RNF114: variants seen among roughly 807,000 people sequenced by gnomAD.
RNF114 encodes E3 ubiquitin-protein ligase RNF114.
A neutral mutation model predicts 28.4 loss-of-function variants in RNF114; 6 were observed. That is an observed-to-expected ratio of 0.21 (90% CI 0.12 to 0.42). RNF114 has a LOEUF of 0.42. Among genes scored for constraint, RNF114 ranks in the 10% least tolerant of loss-of-function variants. The pLI, the probability that RNF114 is intolerant of heterozygous loss-of-function variation, is 1.00. For missense variants in RNF114, 249 were observed against 311.7 expected, an observed-to-expected ratio of 0.80 and a Z score of 1.51; for synonymous variants, 115 against 116.7, an observed-to-expected ratio of 0.99 and a Z score of 0.09.
intron 2 of RNF114, chr20:49,942,077 A>G (rs2090310146): frequency 1.0e-5 from 2 of 200,118 alleles, no homozygotes; most frequent in African/African-American, 2.4e-5. Context: ...CCTGGACAAC[A>G]TAGTGAGACC....
In RNF114 at chr20:49,952,328, G is replaced by A. The variant is rs2090358231; in HGVS notation, c.*187G>A. On this transcript the variant is annotated 3_prime_UTR_variant, in exon 6 of 6. Transcript: ENST00000244061. The stretch of plus-strand genomic sequence containing the variant: ...GCCCTTCTCTTCCCTTTGGGCTCTT[G>A]CCAAAGCTGTCTTCCCCTACTGTTA... 3 of 593,310 alleles carry A rather than the reference G, an allele frequency of 5.1e-6. No individual in the cohort carries two copies. Among genetic ancestry groups the A allele is most frequent in the Non-Finnish European group, 9.2e-6 (3 of 325,550 alleles). The allele number at this position is 593,310 out of a possible 1,614,324, so 36.8% of individuals were successfully genotyped here.
At chr20:49,946,009 G>C (rs551574646) in intron 3 of RNF114, 127 bp from the exon 4 acceptor site, 1 of 562,506 alleles carries the variant, frequency 1.8e-6, no homozygotes, top group East Asian at 3.0e-5. Context: ...AGTCTGAAGT[G>C]ATCATCAGCA....
chr20:49,952,143 C>CTTGCT lies in RNF114; in HGVS notation c.*2_*3insTTGCT. ...CAGCGCTCCATCATCGACCAGTGAGCAGAGTCCGTGCTTGCTATCTGTCTC... is the reference window on the plus strand; with the variant it reads ...CAGCGCTCCATCATCGACCAGTGAGCTTGCTAGAGTCCGTGCTTGCTATCTGTCTC... On this transcript the variant is annotated 3_prime_UTR_variant, in exon 6 of 6. Transcript: ENST00000244061. 6.2e-7 allele frequency: 1 copy of CTTGCT among 1,612,756 alleles called. No individual in the cohort carries two copies. The highest frequency in any genetic ancestry group is 1.1e-5 in the South Asian group (1 of 91,060).
At chr20:49,940,663 T>C (rs1409014342) in intron 1 of RNF114, among the ~76,000 whole-genome samples, 1 of 152,088 alleles carries the variant, frequency 6.6e-6, no homozygotes, top group East Asian at 1.9e-4. Flanking sequence ...TCTGCCCGCC[T>C]CGGCCTCCCA....
At chr20:49,938,496 A>G (rs1451711224) in intron 1 of RNF114, among the ~76,000 whole-genome samples, 1 of 152,058 alleles carries the variant, frequency 6.6e-6, no homozygotes, top group South Asian at 2.1e-4. Context: ...CATCACTGCA[A>G]CTCTGGCTGG....
intron 4 of RNF114, among the ~76,000 whole-genome samples, chr20:49,947,769 G>GTTTTTTTTTGTTTTGTTTTTTTTT (rs2090338798): frequency 7.9e-5 from 4 of 50,476 alleles, no homozygotes; most frequent in African/African-American, 3.4e-4. Context: ...CCCTCTGCAA[G>GTTTTTTTTTGTTTTGTTTTTTTTT]TTTTTTTTTT....
chr20:49,947,478 GC>G (rs2090337473), intron 4 of RNF114, among the ~76,000 whole-genome samples: 3 of 152,054 alleles, frequency 2.0e-5, no homozygotes, highest in Non-Finnish European at 4.4e-5. Flanking sequence ...TACTAGGGCA[GC>G]TATCAATGCT....
intron 4 of RNF114, among the ~76,000 whole-genome samples, chr20:49,947,417 C>A (rs1342296404): frequency 6.6e-6 from 1 of 152,072 alleles, no homozygotes; most frequent in Non-Finnish European, 1.5e-5. Context: ...AGCTCCATTG[C>A]TGTAAACAGT....
At chr20:49,951,969 TG>T in intron 5 of RNF114, 106 bp from the exon 6 acceptor site, 1 of 883,248 alleles carries the variant, frequency 1.1e-6, no homozygotes, top group Non-Finnish European at 1.9e-6. Flanking sequence ...ATCCGGTCCC[TG>T]GCAACCTGCT....
At chr20:49,951,336 T>C (rs1568922189) in intron 5 of RNF114, among the ~76,000 whole-genome samples, 1 of 151,774 alleles carries the variant, frequency 6.6e-6, no homozygotes. Context: ...AAATGAGTCC[T>C]AAAAATGACT....
At chr20:49,949,155 C>A in intron 4 of RNF114, 93 bp from the exon 5 acceptor site, 1 of 978,752 alleles carries the variant, frequency 1.0e-6, no homozygotes, top group Non-Finnish European at 1.6e-6. Context: ...GTCAGGAAAG[C>A]TGTCCTGGAA....
At chr20:49,936,775 A>T (rs2090288828) in intron 1 of RNF114, among the ~76,000 whole-genome samples, 1 of 151,986 alleles carries the variant, frequency 6.6e-6, no homozygotes, top group Non-Finnish European at 1.5e-5. Flanking sequence ...TTAGCGGGGC[A>T]GCTGCTGTCT....
At position 49,949,158 on chromosome 20, in the gene RNF114, T is replaced by C. The variant is rs780503825; in HGVS notation, c.514-90T>C. 2.0e-5 allele frequency: 20 copies of C among 1,010,462 alleles called. No individual in the cohort carries two copies. In the Middle Eastern group the frequency reaches 6.3e-4, roughly 32 times the overall value. 62.6% of individuals were successfully genotyped at this position (1,010,462 alleles called of 1,614,324 possible). A position where few individuals can be genotyped will look rare whatever the true frequency, so the allele number is the denominator to read the frequency against. ...CCTGGACAGTATGTCAGGAAAGCTG[T>C]CCTGGAAGAAAGGAGGCCAGACACA... On this transcript the variant is annotated intron_variant, in intron 4 of 5. Transcript: ENST00000244061.
At chr20:49,937,821 C>T (rs1043230180) in intron 1 of RNF114, among the ~76,000 whole-genome samples, 4 of 152,112 alleles carry the variant, frequency 2.6e-5, no homozygotes, top group African/African-American at 4.8e-5. Flanking sequence ...TTGCACAGAG[C>T]AAAACTTAAC....
chr20:49,950,320 G>T (rs1600872864), intron 5 of RNF114, among the ~76,000 whole-genome samples: 2 of 151,956 alleles, frequency 1.3e-5, no homozygotes, highest in East Asian at 3.9e-4. Flanking sequence ...CCATCTCCTA[G>T]CCCTGCCACC....
At chr20:49,943,601 AG>A (rs1187758143) in intron 2 of RNF114, among the ~76,000 whole-genome samples, 2 of 148,954 alleles carry the variant, frequency 1.3e-5, no homozygotes, top group African/African-American at 2.5e-5. Flanking sequence ...CCCCCTTTGA[AG>A]TTTACTTTTA....
In RNF114 at chr20:49,952,736, A is replaced by G. The variant is rs1324553241; in HGVS notation, c.*595A>G. 6.4e-6 allele frequency: 1 copy of G among 155,318 alleles called. No homozygotes were observed. Among genetic ancestry groups the G allele is most frequent in the African/African-American group, 2.4e-5 (1 of 41,508 alleles). 9.6% of individuals were successfully genotyped at this position (155,318 alleles called of 1,614,324 possible). A position where few individuals can be genotyped will look rare whatever the true frequency, so the allele number is the denominator to read the frequency against. ...TTGATTAGTGATATTTTCTACTACT[A>G]CATATTTAGAGTTCACTGGTTCAGT... On this transcript the variant is annotated 3_prime_UTR_variant, in exon 6 of 6. Coordinates refer to ENST00000244061, the MANE Select transcript of RNF114 (RefSeq NM_018683.4).
rs760408816 is a variant in RNF114, at chr20:49,946,154, C to T, written c.417C>T (p.Tyr139=). 1.2e-6 allele frequency: 2 copies of T among 1,602,646 alleles called. No homozygotes were observed. Among genetic ancestry groups the T allele is most frequent in the Middle Eastern group, 1.7e-4 (1 of 6,014 alleles). Residue 139 remains tyrosine (Y), a synonymous_variant, in exon 4 of 6, where the codon TAC becomes TAT. Transcript: ENST00000244061. ...CTTCCAGGAATGTTCCAAACCGTTA[C>T]ACCTTTCCTTGTCCTTACTGTCCTG... ...SLQPRNVPNR[Y]TFPCPYCPEK...
chr20:49,937,462 T>G (rs2090292154), intron 1 of RNF114, among the ~76,000 whole-genome samples: 1 of 152,210 alleles, frequency 6.6e-6, no homozygotes, highest in African/African-American at 2.4e-5. Flanking sequence ...GGCATTATTC[T>G]ATAGCCACCC....
Sources: allele counts gnomAD v4.1 joint callset (sites outside exome capture counted in the v4.1 genomes callset), GRCh38; gene constraint gnomAD v4.1.1; transcripts MANE v1.5; gene names NCBI Gene and HGNC (gene_info 2026-07-23, HGNC 2026-07-21).